The following SHROOM4 variants were observed in gnomAD, a reference collection of about 807,000 sequenced individuals.
The protein encoded by SHROOM4 is shroom family member 4.
SHROOM4 carries 17 observed loss-of-function variants against 80.3 expected under a neutral mutation model. The observed-to-expected ratio is 0.21, with a 90% CI of 0.14 to 0.32. SHROOM4 has a LOEUF of 0.32. Ranked by LOEUF, SHROOM4 falls within the 10% of genes least tolerant of loss-of-function variation. The pLI is 1.00. For missense variants in SHROOM4, 993 were observed against 1,140.3 expected, an observed-to-expected ratio of 0.87 and a Z score of 1.86; for synonymous variants, 400 against 437.5, an observed-to-expected ratio of 0.91 and a Z score of 1.07.
chrX:50,780,735 T>C (rs1194393636), intron 1 of SHROOM4, among the ~76,000 whole-genome samples: 2 of 111,982 alleles, frequency 1.8e-5, no homozygotes, highest in Admixed American at 1.9e-4. Context: ...CAAGTATTTA[T>C]AGCTGGATAT....
intron 1 of SHROOM4, among the ~76,000 whole-genome samples, chrX:50,766,789 C>G (rs898664868): frequency 1.8e-4 from 20 of 111,154 alleles, no homozygotes; most frequent in Non-Finnish European, 3.4e-4. Flanking sequence ...AAAATGAAAG[C>G]AATAAAATTG....
In SHROOM4 at chrX:50,726,717, G is replaced by A. The variant is rs782022944; in HGVS notation, c.118-30780C>T. 8.8e-5 allele frequency among the ~76,000 whole-genome samples: 10 copies of A among 113,254 alleles called. No individual in the cohort carries two copies. In the East Asian group the frequency reaches 2.8e-3, roughly 32 times the overall value. ...TAAGAGCTGAGGTTTAGGAACCTCT[G>A]CCTAGATTTCAGAGGAGGTATGGAA... On this transcript the variant is annotated intron_variant, in intron 1 of 8. Transcript: ENST00000376020.
Position 50,746,165 on chromosome X carries a change from C to G in SHROOM4, c.118-50228G>C, listed in dbSNP as rs1457268568. Among the ~76,000 whole-genome samples the G allele has an allele frequency of 2.7e-5, 3 of 111,925 alleles. No individual in the cohort carries two copies. In the Admixed American group the frequency reaches 2.8e-4, roughly 11 times the overall value. ...TGATTATCTTTGACATATGTACCTT[C>G]TATTACTATAATCAAGATGGTGAAC... is the stretch of plus-strand genomic sequence containing the variant. On this transcript the variant is annotated intron_variant, in intron 1 of 8. Transcript: ENST00000376020.
At chrX:50,759,070 G>A (rs1411313127) in intron 1 of SHROOM4, among the ~76,000 whole-genome samples, 4 of 111,263 alleles carry the variant, frequency 3.6e-5, no homozygotes, top group African/African-American at 1.3e-4. Context: ...TTTGTTGATT[G>A]TTATGGGATG....
chrX:50,751,040 T>C (rs1210214409), intron 1 of SHROOM4, among the ~76,000 whole-genome samples: 2 of 112,523 alleles, frequency 1.8e-5, no homozygotes, highest in Non-Finnish European at 3.8e-5. Context: ...AACTCAAGGT[T>C]TCATAAAGAC....
intron 2 of SHROOM4, among the ~76,000 whole-genome samples, chrX:50,680,030 T>C (rs1252244557): frequency 3.6e-5 from 4 of 112,241 alleles, no homozygotes; most frequent in Non-Finnish European, 7.5e-5. Flanking sequence ...ATTCTCAGAA[T>C]CAATGTCTCA....
At chrX:50,697,209 T>C (rs782669489) in intron 1 of SHROOM4, among the ~76,000 whole-genome samples, 1 of 111,664 alleles carries the variant, frequency 9.0e-6, no homozygotes, top group South Asian at 3.8e-4. Flanking sequence ...ACTGATATAA[T>C]CAGGAGTTGT....
intron 2 of SHROOM4, among the ~76,000 whole-genome samples, chrX:50,684,676 A>C (rs782213874): frequency 1.8e-5 from 2 of 111,993 alleles, no homozygotes; most frequent in African/African-American, 6.5e-5. Context: ...CTTAGGGGAA[A>C]AAACTAGGAC....
intron 4 of SHROOM4, among the ~76,000 whole-genome samples, chrX:50,631,876 A>T (rs1188031171): frequency 1.8e-5 from 2 of 112,097 alleles, no homozygotes. Flanking sequence ...TATGTACAAG[A>T]TTTGTATGCT....
At chrX:50,644,982 G>C (rs1931771520) in intron 2 of SHROOM4, among the ~76,000 whole-genome samples, 2 of 112,059 alleles carry the variant, frequency 1.8e-5, no homozygotes, top group Admixed American at 1.9e-4. Flanking sequence ...TAATGAGCGA[G>C]GTACCATTAG....
chrX:50,612,311 T>C (rs1930034780), intron 5 of SHROOM4, among the ~76,000 whole-genome samples: 1 of 111,596 alleles, frequency 9.0e-6, no homozygotes, highest in South Asian at 3.7e-4. Context: ...CTTAAAGTAT[T>C]TTTCTGTGAA....
chrX:50,739,374 T>C (rs1414568404), intron 1 of SHROOM4, among the ~76,000 whole-genome samples: 8 of 111,163 alleles, frequency 7.2e-5, no homozygotes, highest in Non-Finnish European at 1.3e-4. Flanking sequence ...CAAAAGAAAC[T>C]ACCATCAGAG....
chrX:50,721,924 G>C (rs1405653309), intron 1 of SHROOM4, among the ~76,000 whole-genome samples: 1 of 110,786 alleles, frequency 9.0e-6, no homozygotes. Context: ...CAGCTTTGTG[G>C]CTCCCCTGGG....
intron 1 of SHROOM4, among the ~76,000 whole-genome samples, chrX:50,812,948 C>T (rs2147758166): frequency 9.0e-6 from 1 of 111,658 alleles, no homozygotes; most frequent in African/African-American, 3.2e-5. Context: ...CAATCTGGCA[C>T]CTCAAGGTGA....
chrX:50,662,291 G>A (rs1399270120), intron 2 of SHROOM4, among the ~76,000 whole-genome samples: 1 of 111,297 alleles, frequency 9.0e-6, no homozygotes, highest in Non-Finnish European at 1.9e-5. Flanking sequence ...ATGAGGTCAG[G>A]AGTTCGAGAC....
chrX:50,583,519 A>G (rs1928701549), downstream of SHROOM4, among the ~76,000 whole-genome samples: 1 of 111,814 alleles, frequency 8.9e-6, no homozygotes, highest in African/African-American at 3.3e-5. Flanking sequence ...ATTACATTCT[A>G]TATGATCTAG....
chrX:50,581,712 C>T, the SHROOM4 span, among the ~76,000 whole-genome samples: 1 of 110,641 alleles, frequency 9.0e-6, no homozygotes, highest in Non-Finnish European at 1.9e-5. Flanking sequence ...TTTAGATAAA[C>T]TCCTCTACAT....
At chrX:50,801,643 A>G (rs2147732107) in intron 1 of SHROOM4, among the ~76,000 whole-genome samples, 1 of 111,611 alleles carries the variant, frequency 9.0e-6, no homozygotes, top group South Asian at 3.8e-4. Flanking sequence ...AAGGCATGGG[A>G]AAAACACGCA....
chrX:50,705,989 TACACACACACACACAC>T (rs56363612), intron 1 of SHROOM4, among the ~76,000 whole-genome samples: 20 of 74,383 alleles, frequency 2.7e-4, no homozygotes, highest in African/African-American at 3.3e-4. Context: ...TCTCATCCTC[TACACACACACACACAC>T]ACACACACAC....
Sources: allele counts gnomAD v4.1 joint callset (sites outside exome capture counted in the v4.1 genomes callset), GRCh38; gene constraint gnomAD v4.1.1; transcripts MANE v1.5; gene names NCBI Gene and HGNC (gene_info 2026-07-23, HGNC 2026-07-21).